The following FAM200B variants were observed in gnomAD, a reference collection of about 807,000 sequenced individuals.
FAM200B encodes the protein protein FAM200B.
A neutral mutation model predicts 33.1 loss-of-function variants in FAM200B; 32 were observed. That is an observed-to-expected ratio of 0.97 (90% CI 0.73 to 1.30). The LOEUF (loss-of-function observed/expected upper bound fraction) is 1.30. Ranked by LOEUF, FAM200B falls within the 50% of genes most tolerant of loss-of-function variation. FAM200B has a pLI of 0.00. For missense variants in FAM200B, 741 were observed against 754.0 expected (o/e 0.98, Z 0.20); for synonymous variants, 240 against 264.8 (o/e 0.91, Z 0.91).
rs1484844874 is a variant in FAM200B at position 15,687,953 on chromosome 4, T to A, written c.976T>A (p.Cys326Ser). The A allele has an allele frequency of 3.9e-6, 6 of 1,551,194 alleles. No individual in the cohort carries two copies. The Middle Eastern group carries it at 5.0e-4, about 129-fold the overall frequency. The change falls in exon 2 of 2, where the codon TGT becomes AGT. Residue 326 changes from cysteine to serine, a missense_variant. Cys to Ser is a moderately radical substitution (Grantham distance 112). Transcript: ENST00000422728. ...TAATAATGGTGCTGTGTGGAATCAT[T>A]GTTTTATACATCGTGAAGGTTTAGC... ...VTNNGAVWNH[C>S]FIHREGLASR...
the FAM200B span, among the ~76,000 whole-genome samples, chr4:15,674,088 T>A: frequency 6.6e-6 from 1 of 152,242 alleles, no homozygotes; most frequent in Non-Finnish European, 1.5e-5. Context: ...ATAGATTTGT[T>A]TTCCAACACT....
Position 15,688,934 on chromosome 4 carries a change from C to T in FAM200B, c.1957C>T (p.Gln653Ter), listed in dbSNP as rs1384347677. The change falls in exon 2 of 2, where the codon CAA (glutamine) becomes TAA (stop). Residue 653 changes from glutamine to a stop codon, truncating the protein, a stop_gained. Coordinates refer to ENST00000422728, the MANE Select transcript of FAM200B (RefSeq NM_001145191.2). LOFTEE classifies it high-confidence loss of function. The stretch of plus-strand genomic sequence containing the variant: ...AGACTGGAATGAACTTATGAACAGG[C>T]AAGCACACCCATCATAGTAAATAAA... ...VPDWNELMNR[Q>*]AHPS 1 of 1,493,042 alleles carries T rather than the reference C, an allele frequency of 6.7e-7. No homozygotes were observed. Among genetic ancestry groups the T allele is most frequent in the Non-Finnish European group, 9.0e-7 (1 of 1,115,580 alleles). 92.5% of individuals were successfully genotyped at this position (1,493,042 alleles called of 1,614,324 possible). A position where few individuals can be genotyped will look rare whatever the true frequency, so the allele number is the denominator to read the frequency against.
chr4:15,652,151 A>G, the FAM200B span, among the ~76,000 whole-genome samples: 43 of 152,318 alleles, frequency 2.8e-4, 1 homozygote, highest in Admixed American at 2.7e-3. Flanking sequence ...TGGAGAAAAG[A>G]CTGAGAAATT....
At chr4:15,660,188 C>A in the FAM200B span, among the ~76,000 whole-genome samples, 1 of 152,052 alleles carries the variant, frequency 6.6e-6, no homozygotes, top group Non-Finnish European at 1.5e-5. Flanking sequence ...AAATGATCCT[C>A]CTTTCTCAGC....
In FAM200B at chr4:15,688,582, T is replaced by C. The variant is rs1196553871; in HGVS notation, c.1605T>C (p.Ser535=). 3.2e-6 allele frequency: 5 copies of C among 1,551,114 alleles called. No homozygotes were observed. Among genetic ancestry groups the C allele is most frequent in the Non-Finnish European group, 4.4e-6 (5 of 1,146,622 alleles). Reference sequence around the variant, plus strand: ...AATTTGAAACATTAAGGGAAAACAGTTGGGTAAAAGATCCATTTGCTTTTC... The same window carrying C: ...AATTTGAAACATTAAGGGAAAACAGCTGGGTAAAAGATCCATTTGCTTTTC... ...EEKFETLREN[S]WVKDPFAFRH... is the part of the protein sequence containing the mutation. Residue 535 remains serine, a synonymous_variant, in exon 2 of 2, where the codon AGT becomes AGC. Transcript: ENST00000422728.
the FAM200B span, among the ~76,000 whole-genome samples, chr4:15,647,875 A>C: frequency 5.3e-5 from 8 of 152,240 alleles, no homozygotes; most frequent in East Asian, 1.5e-3. Flanking sequence ...TTTTTTTGAG[A>C]CAGGGTCTTG....
At chr4:15,672,190 G>C in the FAM200B span, among the ~76,000 whole-genome samples, 78 of 152,278 alleles carry the variant, frequency 5.1e-4, no homozygotes, top group African/African-American at 1.8e-3. Context: ...TCAGTCTAGG[G>C]CTAATGGTTT....
the FAM200B span, among the ~76,000 whole-genome samples, chr4:15,652,619 A>T: frequency 6.6e-6 from 1 of 152,216 alleles, no homozygotes; most frequent in Admixed American, 6.5e-5. Flanking sequence ...ATTCACCTTT[A>T]TACCTAAAAA....
intron 1 of FAM200B, among the ~76,000 whole-genome samples, chr4:15,684,279 C>T (rs1560260793): frequency 1.3e-5 from 2 of 152,176 alleles, no homozygotes; most frequent in African/African-American, 4.8e-5. Flanking sequence ...ACTAATTGAG[C>T]ATGTCTATTT....
chr4:15,669,882 C>T, the FAM200B span, among the ~76,000 whole-genome samples: 3 of 152,174 alleles, frequency 2.0e-5, no homozygotes, highest in Admixed American at 6.5e-5. Flanking sequence ...AACATTCCAA[C>T]TTATCCAAGG....
At chr4:15,659,440 T>C in the FAM200B span, among the ~76,000 whole-genome samples, 1 of 152,196 alleles carries the variant, frequency 6.6e-6, no homozygotes, top group Admixed American at 6.5e-5. Context: ...ATTCCTAAAC[T>C]GGGTACTGGG....
chr4:15,653,120 A>G, the FAM200B span, among the ~76,000 whole-genome samples: 5 of 152,252 alleles, frequency 3.3e-5, no homozygotes, highest in East Asian at 9.6e-4. Flanking sequence ...TTTTTTCCCT[A>G]AATCGCCTCA....
the FAM200B span, among the ~76,000 whole-genome samples, chr4:15,666,760 A>T: frequency 6.6e-6 from 1 of 151,954 alleles, no homozygotes; most frequent in African/African-American, 2.4e-5. Flanking sequence ...GGTCAAGGTG[A>T]CAGTGAGCTG....
upstream of FAM200B, chr4:15,681,192 A>AC (rs1210940911): frequency 6.6e-6 from 1 of 152,244 alleles, no homozygotes; most frequent in Non-Finnish European, 1.5e-5. Context: ...ATTATTAAAC[A>AC]CAATGCGATT....
intron 1 of FAM200B, among the ~76,000 whole-genome samples, chr4:15,685,448 G>A (rs529739867): frequency 1.3e-5 from 2 of 152,216 alleles, no homozygotes; most frequent in East Asian, 1.9e-4. Context: ...GGCCGACTTC[G>A]GGCGTAGGGG....
At chr4:15,659,931 G>A in the FAM200B span, 2 of 152,986 alleles carry the variant, frequency 1.3e-5, no homozygotes, top group Non-Finnish European at 2.9e-5. Context: ...TTCTGGAATG[G>A]AAAGAAATGA....
At chr4:15,673,394 T>C in the FAM200B span, among the ~76,000 whole-genome samples, 13 of 152,048 alleles carry the variant, frequency 8.5e-5, no homozygotes, top group East Asian at 7.7e-4. Context: ...TGAGCCAAGA[T>C]TGCACTACTC....
At chr4:15,640,945 C>A in the FAM200B span, 1 of 882,506 alleles carries the variant, frequency 1.1e-6, no homozygotes, top group Non-Finnish European at 1.7e-6. Flanking sequence ...ATGTCTGGTC[C>A]CAGGAAGTTT....
chr4:15,659,021 T>A, the FAM200B span, among the ~76,000 whole-genome samples: 1 of 152,218 alleles, frequency 6.6e-6, no homozygotes, highest in African/African-American at 2.4e-5. Flanking sequence ...CACCCCATCC[T>A]TAATCAGCTG....
Sources: allele counts gnomAD v4.1 joint callset (sites outside exome capture counted in the v4.1 genomes callset), GRCh38; gene constraint gnomAD v4.1.1; transcripts MANE v1.5; gene names NCBI Gene and HGNC (gene_info 2026-07-23, HGNC 2026-07-21).